Variants in PXDC1 observed in about 807,000 individuals in gnomAD.
PXDC1 encodes the protein PX domain containing 1.
Under a neutral mutation model 24.4 loss-of-function variants are expected in PXDC1, and 13 were observed. The ratio of observed to expected loss-of-function variants is 0.53; its 90% CI spans 0.35 to 0.85. PXDC1 has a LOEUF of 0.85. Ranked by LOEUF, PXDC1 falls within the 40% of genes least tolerant of loss-of-function variation. The pLI is 0.01. For synonymous variants in PXDC1, 162 were observed against 124.9 expected (o/e 1.30, Z -1.98); for missense variants, 344 against 309.3 (o/e 1.11, Z -0.84).
chr6:3,738,977 C>T (rs140128228), intron 1 of PXDC1: 185 of 1,287,310 alleles, frequency 1.4e-4, no homozygotes, highest in African/African-American at 6.9e-4. Context: ...TGCCTGTGAG[C>T]GGTGATTAAA....
At chr6:3,726,721 GT>G (rs1760077000) in intron 4 of PXDC1, among the ~76,000 whole-genome samples, 1 of 152,360 alleles carries the variant, frequency 6.6e-6, no homozygotes, top group Middle Eastern at 3.4e-3. Flanking sequence ...TAGCAAATGC[GT>G]GGGGCAAGAC....
At chr6:3,729,506 T>C (rs1486835435) in intron 3 of PXDC1, among the ~76,000 whole-genome samples, 1 of 152,152 alleles carries the variant, frequency 6.6e-6, no homozygotes, top group Non-Finnish European at 1.5e-5. Context: ...CTGCAGGTCC[T>C]GAGAAGGAGC....
At chr6:3,739,069 G>C in intron 1 of PXDC1, 1 of 1,181,206 alleles carries the variant, frequency 8.5e-7, no homozygotes, top group Non-Finnish European at 1.1e-6. Flanking sequence ...TAGTATTATT[G>C]GTCACGGAGA....
At chr6:3,750,732 G>A (rs962552117) in intron 1 of PXDC1, among the ~76,000 whole-genome samples, 2 of 152,250 alleles carry the variant, frequency 1.3e-5, no homozygotes, top group African/African-American at 4.8e-5. Context: ...CGGGCGGGGC[G>A]GCCGCTCCGA....
intron 1 of PXDC1, among the ~76,000 whole-genome samples, chr6:3,744,434 G>T (rs79510980): frequency 0.015 from 2,223 of 151,416 alleles, 19 homozygotes; most frequent in Non-Finnish European, 0.024. Context: ...GTGCCAGGAG[G>T]ATGCACAGCA....
chr6:3,748,122 C>T (rs975542345), intron 1 of PXDC1, among the ~76,000 whole-genome samples: 1 of 151,992 alleles, frequency 6.6e-6, no homozygotes, highest in Admixed American at 6.6e-5. Context: ...TTCCTAGATG[C>T]GAGAGATGTA....
intron 1 of PXDC1, among the ~76,000 whole-genome samples, chr6:3,750,554 T>C (rs1033195098): frequency 1.3e-5 from 2 of 151,924 alleles, no homozygotes; most frequent in African/African-American, 4.8e-5. Flanking sequence ...AAAAGAAAGA[T>C]CGGGCAGAGC....
At chr6:3,738,008 G>A (rs766295581) in intron 2 of PXDC1, 49 bp downstream of exon 2, 5 of 1,486,986 alleles carry the variant, frequency 3.4e-6, no homozygotes, top group Non-Finnish European at 4.7e-6. Context: ...TTTGGGAGGT[G>A]CCAGCACCTC....
At chr6:3,745,853 A>G (rs147417486) in intron 1 of PXDC1, among the ~76,000 whole-genome samples, 5 of 152,264 alleles carry the variant, frequency 3.3e-5, no homozygotes, top group African/African-American at 1.2e-4. Flanking sequence ...TGCTGAGTCT[A>G]GGTTAAACAT....
chr6:3,738,138 G>A lies in PXDC1; in HGVS notation c.267C>T (p.Ala89=). ...TCTCTATGTCGTGGGCTTCCTTTATGGCAACCAGTCCTAGAATTGAGACAG... is the reference window on the plus strand; with the variant it reads ...TCTCTATGTCGTGGGCTTCCTTTATAGCAACCAGTCCTAGAATTGAGACAG... ...AQGPLRQGLV[A]IKEAHDIETR... is the part of the protein sequence containing the mutation. Residue 89 remains alanine, a synonymous_variant, in exon 2 of 5, where the codon GCC becomes GCT. Transcript: ENST00000380283. 2 of 1,613,640 alleles carry A rather than the reference G, an allele frequency of 1.2e-6. No individual in the cohort carries two copies. The highest frequency in any genetic ancestry group is 1.7e-5 in the Admixed American group (1 of 60,006).
chr6:3,728,844 A>C lies in PXDC1; in HGVS notation c.467-1182T>G, dbSNP rs1481678820. On this transcript the variant is annotated intron_variant, in intron 3 of 4. Transcript: ENST00000380283. The surrounding 1 kb of genome is among the most constrained non-coding windows in gnomAD (Gnocchi z 4.0). ...CAGATGAGATCTGGTAGCCATGGCC[A>C]GTTCTTGGAGCTAAAGTCCTCCAGC... 6.6e-6 allele frequency among the ~76,000 whole-genome samples: 1 copy of C among 152,150 alleles called. No individual in the cohort carries two copies. The highest frequency in any genetic ancestry group is 1.5e-5 in the Non-Finnish European group (1 of 68,028).
At chr6:3,747,928 T>C (rs1204034030) in intron 1 of PXDC1, among the ~76,000 whole-genome samples, 3 of 152,196 alleles carry the variant, frequency 2.0e-5, no homozygotes, top group Non-Finnish European at 4.4e-5. Flanking sequence ...AAATGTTGAT[T>C]GTACAGCTAC....
chr6:3,743,767 C>T (rs1035947936), intron 1 of PXDC1, among the ~76,000 whole-genome samples: 5 of 152,206 alleles, frequency 3.3e-5, no homozygotes, highest in South Asian at 2.1e-4. Flanking sequence ...ACAAGGAGAG[C>T]GAGATTGCGG....
At chr6:3,738,514 CA>C (rs2127600472) in intron 1 of PXDC1, among the ~76,000 whole-genome samples, 1 of 152,350 alleles carries the variant, frequency 6.6e-6, no homozygotes, top group South Asian at 2.1e-4. Context: ...TGGCTACAGT[CA>C]GGGGTGCTGG....
In PXDC1 at chr6:3,723,533, G is replaced by A. The variant is rs762955598; in HGVS notation, c.*86C>T. 81 of 1,046,914 alleles carry A rather than the reference G, an allele frequency of 7.7e-5. No individual in the cohort carries two copies. Among genetic ancestry groups the A allele is most frequent in the Non-Finnish European group, 1.2e-4 (81 of 677,676 alleles). The allele number at this position is 1,046,914 out of a possible 1,614,324, so 64.9% of individuals were successfully genotyped here. A position where few individuals can be genotyped will look rare whatever the true frequency, so the allele number is the denominator to read the frequency against. ...GTCTGGGAGTTCCAGAGCTGGGGCA[G>A]CAGCTGTGACCATGGGGGCCAGCAC... On this transcript the variant is annotated 3_prime_UTR_variant, in exon 5 of 5. Coordinates refer to ENST00000380283, the MANE Select transcript of PXDC1 (RefSeq NM_183373.4).
intron 1 of PXDC1, chr6:3,738,740 G>C: frequency 7.8e-7 from 1 of 1,275,846 alleles, no homozygotes; most frequent in African/African-American, 1.5e-5. Context: ...TGCTTCTCAC[G>C]GTCACCACAC....
chr6:3,726,307 G>A lies in PXDC1; in HGVS notation c.578+1244C>T, dbSNP rs150729358. On this transcript the variant is annotated intron_variant, in intron 4 of 4. Coordinates refer to ENST00000380283, the MANE Select transcript of PXDC1 (RefSeq NM_183373.4). ...CCTTGTACCTCCACGGTGCCAGCCT[G>A]TTGGCATGGGGGACCCATAGGTAAT... Among the ~76,000 whole-genome samples the A allele has an allele frequency of 1.7e-3, 254 of 152,342 alleles. 1 individual carries two copies. The highest frequency in any genetic ancestry group is 5.7e-3 in the African/African-American group (238 of 41,592).
chr6:3,748,122 C>A (rs975542345), intron 1 of PXDC1, among the ~76,000 whole-genome samples: 2 of 151,992 alleles, frequency 1.3e-5, no homozygotes, highest in African/African-American at 4.8e-5. Flanking sequence ...TTCCTAGATG[C>A]GAGAGATGTA....
chr6:3,735,484 T>G (rs1760293902), intron 3 of PXDC1, among the ~76,000 whole-genome samples: 1 of 152,230 alleles, frequency 6.6e-6, no homozygotes, highest in Non-Finnish European at 1.5e-5. Context: ...CTGCAGGCAT[T>G]ACGTTAAGTG....
Sources: gnomAD v4.1 joint callset for allele counts (sites outside exome capture counted in the v4.1 genomes callset) on GRCh38, gnomAD v4.1.1 for gene constraint, Gnocchi (gnomAD v3.1) non-coding constraint, MANE v1.5 for transcripts, NCBI Gene and HGNC (gene_info 2026-07-23, HGNC 2026-07-21) for gene names.